The following KDM3B variants were observed in gnomAD, a reference collection of about 807,000 sequenced individuals.
KDM3B encodes the protein lysine demethylase 3B, also known as lysine-specific demethylase 3B.
In KDM3B, 10 loss-of-function variants were observed where a neutral mutation model predicts 170.0. The ratio of observed to expected loss-of-function variants is 0.06; its 90% CI spans 0.04 to 0.10. KDM3B has a LOEUF of 0.10. Among genes scored for constraint, KDM3B ranks in the 10% least tolerant of loss-of-function variants. The pLI is 1.00. For missense variants in KDM3B, 1,394 were observed against 2,195.2 expected (o/e 0.64, Z 7.29); for synonymous variants, 831 against 834.8 (o/e 1.00, Z 0.08).
chr5:138,413,394 AAG>A, intron 11 of KDM3B, among the ~76,000 whole-genome samples: 1 of 152,176 alleles, frequency 6.6e-6, no homozygotes, highest in African/African-American at 2.4e-5. Flanking sequence ...AAAAAAAAAA[AAG>A]AAAACCGGAC....
At chr5:138,360,395 C>G (rs1297685762) in intron 1 of KDM3B, among the ~76,000 whole-genome samples, 1 of 151,884 alleles carries the variant, frequency 6.6e-6, no homozygotes, top group Non-Finnish European at 1.5e-5. Flanking sequence ...TAATTGTGAG[C>G]CCGTCTAAGC....
At chr5:138,372,554 A>T in intron 1 of KDM3B, 120 bp from the exon 2 acceptor site, 3 of 855,504 alleles carry the variant, frequency 3.5e-6, no homozygotes, top group Non-Finnish European at 5.4e-6. Context: ...AAAATAACTT[A>T]AACACAAGTT....
chr5:138,375,544 ATTT>A (rs1761976545), intron 3 of KDM3B, among the ~76,000 whole-genome samples: 1 of 151,314 alleles, frequency 6.6e-6, no homozygotes, highest in Non-Finnish European at 1.5e-5. Context: ...AGCCCGGCTT[ATTT>A]TTTTGTATTT....
In KDM3B at chr5:138,352,912, G is replaced by T; in HGVS notation, c.117G>T (p.Gly39=). The part of the protein sequence containing the change: ...PAAAAASGDP[G]PALRTRAWRA... ...CGGCAGCGGCGAGCGGAGATCCGGGGCCTGCGCTGCGCACTCGAGCCTGGC... is the reference window on the plus strand; with the variant it reads ...CGGCAGCGGCGAGCGGAGATCCGGGTCCTGCGCTGCGCACTCGAGCCTGGC... The change falls in exon 1 of 24, where the codon GGG becomes GGT. Residue 39 remains glycine (G), a synonymous_variant. Coordinates refer to ENST00000314358, the MANE Select transcript of KDM3B (RefSeq NM_016604.4). 7 of 1,363,784 alleles carry T rather than the reference G, an allele frequency of 5.1e-6. No individual in the cohort carries two copies. The highest frequency in any genetic ancestry group is 6.6e-6 in the Non-Finnish European group (7 of 1,057,296). 84.5% of individuals were successfully genotyped at this position (1,363,784 alleles called of 1,614,324 possible). A position where few individuals can be genotyped will look rare whatever the true frequency, so the allele number is the denominator to read the frequency against.
chr5:138,406,691 GA>G (rs374764602), intron 11 of KDM3B, among the ~76,000 whole-genome samples: 1 of 152,068 alleles, frequency 6.6e-6, no homozygotes, highest in East Asian at 1.9e-4. Context: ...GTATAAATGA[GA>G]AAAAGATATT....
chr5:138,417,834 G>A (rs1242916893), intron 13 of KDM3B: 2 of 441,490 alleles, frequency 4.5e-6, no homozygotes, highest in Non-Finnish European at 8.2e-6. Flanking sequence ...ATGGTTGACT[G>A]ATAGCACAAA....
rs1386399132 is a variant in KDM3B, at chr5:138,398,289, G to A, written c.2943G>A (p.Gly981=). The change falls in exon 10 of 24, where the codon GGG becomes GGA. Residue 981 remains glycine, a synonymous_variant. Coordinates refer to ENST00000314358, the MANE Select transcript of KDM3B (RefSeq NM_016604.4). The stretch of plus-strand genomic sequence containing the variant: ...TTCCCTCTTCCTCCCTAGCAGAAGG[G>A]ATAGATCTAGAGACCTCAAAATACA... ...LWIPSSSLAE[G]IDLETSKYIL... 7 of 1,614,168 alleles carry A rather than the reference G, an allele frequency of 4.3e-6. No homozygotes were observed. The highest frequency in any genetic ancestry group is 5.9e-6 in the Non-Finnish European group (7 of 1,180,028).
chr5:138,432,954 C>T (rs1763572941), intron 23 of KDM3B, among the ~76,000 whole-genome samples: 1 of 151,932 alleles, frequency 6.6e-6, no homozygotes, highest in African/African-American at 2.4e-5. Context: ...CTGTGTTAGC[C>T]AGGATGGTCT....
chr5:138,401,826 G>A (rs187872666), intron 11 of KDM3B, among the ~76,000 whole-genome samples: 3 of 152,232 alleles, frequency 2.0e-5, no homozygotes, highest in South Asian at 2.1e-4. Context: ...TGGCTGTGAC[G>A]TAGTATCTGA....
intron 1 of KDM3B, among the ~76,000 whole-genome samples, chr5:138,358,595 C>T (rs1347421832): frequency 2.2e-5 from 3 of 136,272 alleles, no homozygotes; most frequent in Admixed American, 7.4e-5. Flanking sequence ...CATGAGCCAC[C>T]GCACCCAGCC....
At chr5:138,408,989 A>C (rs1248382799) in intron 11 of KDM3B, among the ~76,000 whole-genome samples, 2 of 152,212 alleles carry the variant, frequency 1.3e-5, no homozygotes, top group Non-Finnish European at 2.9e-5. Context: ...GGTGGAGAGC[A>C]CAATGACCAC....
intron 11 of KDM3B, among the ~76,000 whole-genome samples, chr5:138,405,452 G>A (rs1270559338): frequency 1.3e-5 from 2 of 152,014 alleles, no homozygotes; most frequent in African/African-American, 4.8e-5. Context: ...GCCGCAGGGA[G>A]CCATCATCAC....
At chr5:138,421,842 G>A (rs923582101) in intron 15 of KDM3B, among the ~76,000 whole-genome samples, 9 of 152,054 alleles carry the variant, frequency 5.9e-5, no homozygotes, top group African/African-American at 1.7e-4. Flanking sequence ...GTAGAGTCAC[G>A]CACCTGGACT....
At position 138,391,918 on chromosome 5, in the gene KDM3B, C is replaced by T; in HGVS notation, c.2286C>T (p.Leu762=). The T allele has an allele frequency of 6.2e-7, 1 of 1,613,228 alleles. No individual in the cohort carries two copies. Among genetic ancestry groups the T allele is most frequent in the Non-Finnish European group, 8.5e-7 (1 of 1,179,246 alleles). Residue 762 remains leucine (L), a synonymous_variant, in exon 8 of 24, where the codon CTC becomes CTT. Coordinates refer to ENST00000314358, the MANE Select transcript of KDM3B (RefSeq NM_016604.4). This position sits in a 1 kb window ranked among gnomAD's most constrained non-coding sequence, Gnocchi z 5.0. The part of the protein sequence containing the change: ...VGPGQQDNPL[L]KTFSNVFGRH... ...CTGGGCAGCAGGACAATCCCCTCCT[C>T]AAAACCTTTAGTAACGTCTTTGGCA...
intron 15 of KDM3B, 83 bp downstream of exon 15, chr5:138,421,045 A>G (rs765477590): frequency 6.7e-6 from 10 of 1,495,176 alleles, no homozygotes; most frequent in African/African-American, 1.4e-5. Context: ...TAGAGGGTAC[A>G]TGGGTGATTT....
In KDM3B at chr5:138,436,399, C is replaced by T. The variant is rs536471847; in HGVS notation, c.*699C>T. 6.6e-6 allele frequency: 1 copy of T among 152,326 alleles called. No individual in the cohort carries two copies. Among genetic ancestry groups the T allele is most frequent in the South Asian group, 2.1e-4 (1 of 4,830 alleles). 9.4% of individuals were successfully genotyped at this position (152,326 alleles called of 1,614,324 possible). A position where few individuals can be genotyped will look rare whatever the true frequency, so the allele number is the denominator to read the frequency against. ...TTTTCCTGGATTATAAGGAAAGGCA[C>T]ATTACATTTAGTCTTCCTTTCGATA... is the stretch of plus-strand genomic sequence containing the variant. On this transcript the variant is annotated 3_prime_UTR_variant, in exon 24 of 24. Transcript: ENST00000314358.
rs745331868 is a variant in KDM3B at position 138,420,828 on chromosome 5, G to A, written c.3838G>A (p.Gly1280Ser). The change falls in exon 15 of 24, where the codon GGT (glycine) becomes AGT (serine). Residue 1280 changes from glycine (G) to serine (S), a missense_variant. By Grantham distance (56) the Gly-to-Ser change is moderately conservative (BLOSUM62 0). Coordinates refer to ENST00000314358, the MANE Select transcript of KDM3B (RefSeq NM_016604.4). ...TPKLFNSLLL[G>S]PTASNNKTEG... ...AAAGCTTTTTAACAGTCTGTTGCTG[G>A]GTCCCACTGCCTCCAACAACAAAAC... 1.2e-6 allele frequency: 2 copies of A among 1,614,090 alleles called. No homozygotes were observed. Among genetic ancestry groups the A allele is most frequent in the Non-Finnish European group, 1.7e-6 (2 of 1,180,028 alleles).
At chr5:138,368,234 TC>T (rs1761791800) in intron 1 of KDM3B, among the ~76,000 whole-genome samples, 1 of 150,644 alleles carries the variant, frequency 6.6e-6, no homozygotes, top group Non-Finnish European at 1.5e-5. Flanking sequence ...TTTCTTTCTT[TC>T]TTTTTTTTTT....
In KDM3B at chr5:138,419,668, A is replaced by AATATAT. The variant is rs767158831; in HGVS notation, c.3715+452_3715+457dup. On this transcript the variant is annotated intron_variant, in intron 14 of 23. Coordinates refer to ENST00000314358, the MANE Select transcript of KDM3B (RefSeq NM_016604.4). ...ACTCTGTCTCAAAAAAAAAAAAAAAAATATATATATATATATATATACATA... is the reference window on the plus strand; with the variant it reads ...ACTCTGTCTCAAAAAAAAAAAAAAAAATATATATATATATATATATATATATACATA... Among the ~76,000 whole-genome samples, 232 of 109,212 alleles carry AATATAT rather than the reference A, an allele frequency of 2.1e-3. 4 individuals are homozygous for AATATAT. Among genetic ancestry groups the AATATAT allele is most frequent in the African/African-American group, 7.7e-3 (208 of 27,042 alleles). The allele number at this position is 109,212 out of a possible 152,430, so 71.6% of individuals were successfully genotyped here.
Sources: gnomAD v4.1 joint callset for allele counts (sites outside exome capture counted in the v4.1 genomes callset) on GRCh38, gnomAD v4.1.1 for gene constraint, Gnocchi (gnomAD v3.1) non-coding constraint, MANE v1.5 for transcripts, NCBI Gene and HGNC (gene_info 2026-07-23, HGNC 2026-07-21) for gene names.